RPS6KA5: variants seen among roughly 807,000 people sequenced by gnomAD.
RPS6KA5 encodes the protein ribosomal protein S6 kinase A5, also known as ribosomal protein S6 kinase alpha-5.
A neutral mutation model predicts 85.5 loss-of-function variants in RPS6KA5; 27 were observed. The observed-to-expected ratio is 0.32, with a 90% CI of 0.23 to 0.44. The LOEUF (loss-of-function observed/expected upper bound fraction) is 0.44, where lower values mean the gene tolerates loss of function less well. Among genes scored for constraint, RPS6KA5 ranks in the 20% least tolerant of loss-of-function variants. RPS6KA5 has a pLI of 1.00. For synonymous variants in RPS6KA5, 334 were observed against 348.2 expected, an observed-to-expected ratio of 0.96 and a Z score of 0.46; for missense variants, 811 against 980.9, an observed-to-expected ratio of 0.83 and a Z score of 2.31.
intron 2 of RPS6KA5, among the ~76,000 whole-genome samples, chr14:90,998,235 A>T (rs560736255): frequency 6.6e-6 from 1 of 152,004 alleles, no homozygotes. Flanking sequence ...ATTAATAGCT[A>T]AAGGGTTCAG....
At chr14:90,895,025 C>T (rs897546641) in intron 12 of RPS6KA5, among the ~76,000 whole-genome samples, 3 of 152,186 alleles carry the variant, frequency 2.0e-5, no homozygotes, top group African/African-American at 7.2e-5. Context: ...ATCAAGTTTA[C>T]ACATCTTTCT....
intron 3 of RPS6KA5, among the ~76,000 whole-genome samples, chr14:90,972,198 C>A (rs1284033310): frequency 6.6e-6 from 1 of 152,142 alleles, no homozygotes; most frequent in African/African-American, 2.4e-5. Flanking sequence ...TTTTAATTTA[C>A]AGCAATTCCA....
rs1020987454 is a variant in RPS6KA5, at chr14:91,047,697, C to T, written c.103+12635G>A. Reference sequence around the variant, plus strand: ...TCACGGCTTACTAACACCACAAATTCGTTTTCTTATAGTTCTGGAGATCAA... The same window carrying T: ...TCACGGCTTACTAACACCACAAATTTGTTTTCTTATAGTTCTGGAGATCAA... On this transcript the variant is annotated intron_variant, in intron 1 of 16. Coordinates refer to ENST00000614987, the MANE Select transcript of RPS6KA5 (RefSeq NM_004755.4). Among the ~76,000 whole-genome samples the T allele has an allele frequency of 3.9e-5, 6 of 152,122 alleles. No homozygotes were observed. The East Asian group carries it at 7.7e-4, about 19-fold the overall frequency.
At chr14:90,884,870 G>A (rs1388157653) in intron 14 of RPS6KA5, among the ~76,000 whole-genome samples, 2 of 152,168 alleles carry the variant, frequency 1.3e-5, no homozygotes, top group Non-Finnish European at 2.9e-5. Flanking sequence ...GTCTGCATAT[G>A]TTCAGTAGAT....
At chr14:91,028,082 A>C (rs2042050686) in intron 1 of RPS6KA5, among the ~76,000 whole-genome samples, 1 of 152,234 alleles carries the variant, frequency 6.6e-6, no homozygotes, top group South Asian at 2.1e-4. Context: ...TGTCAAATAA[A>C]TGTAATATTT....
chr14:90,980,540 G>C (rs1027495833), intron 2 of RPS6KA5, among the ~76,000 whole-genome samples: 54 of 152,288 alleles, frequency 3.5e-4, no homozygotes, highest in African/African-American at 1.3e-3. Context: ...AGGCACTTAT[G>C]ATATAAACTC....
chr14:91,036,899 C>A (rs1452805052), intron 1 of RPS6KA5, among the ~76,000 whole-genome samples: 2 of 152,112 alleles, frequency 1.3e-5, no homozygotes, highest in African/African-American at 2.4e-5. Context: ...ACAGTGGAGA[C>A]GCCTTGGAGC....
chr14:90,998,829 T>A (rs1449835295), intron 2 of RPS6KA5, among the ~76,000 whole-genome samples: 1 of 152,162 alleles, frequency 6.6e-6, no homozygotes, highest in African/African-American at 2.4e-5. Context: ...TGGGCCTATA[T>A]GGCATGCTAA....
In RPS6KA5 at chr14:90,852,083, C is replaced by CCT. The variant is rs757780930; in HGVS notation, c.*19990_*19991insAG. ...TCGGTATCTTTTCTTTAAAAAATCA[C>CCT]TTTTTTTTTTTTTTTTTTTTTTTTA... On this transcript the variant is annotated 3_prime_UTR_variant, in exon 17 of 17. Transcript: ENST00000614987. 1.1e-5 allele frequency: 1 copy of CCT among 94,946 alleles called. No individual in the cohort carries two copies. The highest frequency in any genetic ancestry group is 2.0e-5 in the Non-Finnish European group (1 of 49,870). 5.9% of individuals were successfully genotyped at this position (94,946 alleles called of 1,614,324 possible). A position where few individuals can be genotyped will look rare whatever the true frequency, so the allele number is the denominator to read the frequency against.
chr14:90,985,115 G>A (rs1008957941), intron 2 of RPS6KA5, among the ~76,000 whole-genome samples: 6 of 151,920 alleles, frequency 3.9e-5, no homozygotes, highest in Non-Finnish European at 7.4e-5. Context: ...CTAATTTTTT[G>A]TATTTTTAGT....
intron 4 of RPS6KA5, among the ~76,000 whole-genome samples, 166 bp downstream of exon 4, chr14:90,947,267 ATT>A (rs1449033751): frequency 6.6e-6 from 1 of 152,172 alleles, no homozygotes; most frequent in African/African-American, 2.4e-5. Context: ...TGGAAAGTAG[ATT>A]TTTTCAAACG....
intron 3 of RPS6KA5, among the ~76,000 whole-genome samples, chr14:90,955,479 ATTT>A (rs1199583589): frequency 6.6e-6 from 1 of 151,918 alleles, no homozygotes; most frequent in East Asian, 1.9e-4. Context: ...GTCAAAAAGT[ATTT>A]TTTTATTTCT....
In RPS6KA5 at chr14:90,875,287, A is replaced by G. The variant is rs546733309; in HGVS notation, c.1910T>C (p.Ile637Thr). Reference protein sequence around the residue: ...RSLTCTSAVEIMKKIKKGDFS... With the variant: ...RSLTCTSAVETMKKIKKGDFS... ...ATCTCCCTTTTTAATTTTCTTCATGATTTCCACCGCGCTGGTACACGTCAA... is the reference window on the plus strand; with the variant it reads ...ATCTCCCTTTTTAATTTTCTTCATGGTTTCCACCGCGCTGGTACACGTCAA... The change falls in exon 15 of 17, where the codon ATC becomes ACC. Residue 637 changes from isoleucine (I) to threonine (T), a missense_variant. Around this residue, in one of 3 missense-constraint regions of RPS6KA5, gnomAD observed 650 missense variants for 793.4 expected, o/e 0.82. Coordinates refer to ENST00000614987, the MANE Select transcript of RPS6KA5 (RefSeq NM_004755.4). 7.4e-6 allele frequency: 12 copies of G among 1,613,908 alleles called. No homozygotes were observed. The highest frequency in any genetic ancestry group is 5.1e-6 in the Non-Finnish European group (6 of 1,179,888).
At position 90,867,232 on chromosome 14, in the gene RPS6KA5, T is replaced by C. The variant is rs562114736; in HGVS notation, c.*4842A>G. On this transcript the variant is annotated 3_prime_UTR_variant, in exon 17 of 17. Coordinates refer to ENST00000614987, the MANE Select transcript of RPS6KA5 (RefSeq NM_004755.4). Reference sequence around the variant, plus strand: ...ACTTAAAATTTCCTTTTCTAAGTCATGACATTTCTCTTTTGTTCTGTTTTC... The same window carrying C: ...ACTTAAAATTTCCTTTTCTAAGTCACGACATTTCTCTTTTGTTCTGTTTTC... 8 of 152,334 alleles carry C rather than the reference T, an allele frequency of 5.3e-5. No homozygotes were observed. In the East Asian group the frequency reaches 1.3e-3, roughly 26 times the overall value. The allele number at this position is 152,334 out of a possible 1,614,324, so 9.4% of individuals were successfully genotyped here.
intron 8 of RPS6KA5, among the ~76,000 whole-genome samples, chr14:90,904,678 G>A (rs1238372657): frequency 1.3e-5 from 2 of 152,170 alleles, no homozygotes; most frequent in African/African-American, 4.8e-5. Flanking sequence ...GTAGAAAATG[G>A]AATGCTATTA....
intron 3 of RPS6KA5, among the ~76,000 whole-genome samples, chr14:90,952,049 T>C (rs2038219886): frequency 6.6e-6 from 1 of 152,204 alleles, no homozygotes; most frequent in African/African-American, 2.4e-5. Flanking sequence ...GCCCCTCTAC[T>C]TCTTTGGCAT....
chr14:90,988,312 C>A (rs1181972022), intron 2 of RPS6KA5, among the ~76,000 whole-genome samples: 2 of 152,336 alleles, frequency 1.3e-5, no homozygotes. Flanking sequence ...ATTACATCAG[C>A]TCTTTTAGAA....
In RPS6KA5 at chr14:90,890,599, T is replaced by TC; in HGVS notation, c.1723dup (p.Asp575GlyfsTer2). The TC allele has an allele frequency of 6.2e-7, 1 of 1,614,200 alleles. No individual in the cohort carries two copies. Among genetic ancestry groups the TC allele is most frequent in the Non-Finnish European group, 8.5e-7 (1 of 1,180,016 alleles). On this transcript the variant is annotated frameshift_variant, in exon 14 of 17. Transcript: ENST00000614987. LOFTEE classifies it high-confidence loss of function. ...GCATGGAGTCTTCAGGGGCTGATTA[T>TC]CCGGTGGCTTTAGCCGTGCAAATCC...
intron 14 of RPS6KA5, among the ~76,000 whole-genome samples, chr14:90,881,482 A>T (rs1015613328): frequency 6.7e-6 from 1 of 150,096 alleles, no homozygotes; most frequent in Non-Finnish European, 1.5e-5. Flanking sequence ...ATTTTAGTGT[A>T]GCCACTCCTG....
Sources: allele counts gnomAD v4.1 joint callset (sites outside exome capture counted in the v4.1 genomes callset), GRCh38; gene constraint gnomAD v4.1.1; regional missense constraint gnomAD v4.1.1; transcripts MANE v1.5; gene names NCBI Gene and HGNC (gene_info 2026-07-23, HGNC 2026-07-21).